The following DHRS4 variants were observed in gnomAD, a reference collection of about 807,000 sequenced individuals.
DHRS4 encodes the protein dehydrogenase/reductase SDR family member 4.
Under a neutral mutation model 28.4 loss-of-function variants are expected in DHRS4, and 20 were observed. The observed-to-expected ratio is 0.71, with a 90% CI of 0.50 to 1.02. The LOEUF (loss-of-function observed/expected upper bound fraction) is 1.02. Among genes scored for constraint, DHRS4 ranks in the 50% least tolerant of loss-of-function variants. The probability of loss-of-function intolerance (pLI) is 0.00; values close to 1 mark genes in which losing one functional copy is unlikely to be tolerated. For missense variants in DHRS4, 378 were observed against 367.2 expected, an observed-to-expected ratio of 1.03 and a Z score of -0.24; for synonymous variants, 144 against 146.4, an observed-to-expected ratio of 0.98 and a Z score of 0.12.
chr14:23,954,586 GA>G (rs1030662178), intron 1 of DHRS4, among the ~76,000 whole-genome samples: 1 of 152,194 alleles, frequency 6.6e-6, no homozygotes, highest in Non-Finnish European at 1.5e-5. Context: ...TTACATTTTT[GA>G]CCGGAGACCA....
intron 5 of DHRS4, 103 bp downstream of exon 5, chr14:23,966,086 C>T (rs1306383711): frequency 6.2e-7 from 1 of 1,602,662 alleles, no homozygotes; most frequent in Non-Finnish European, 8.5e-7. Context: ...AGAATCACAC[C>T]ACCAAGTCCC....
At chr14:23,965,480 G>A (rs1430916473) in intron 3 of DHRS4, among the ~76,000 whole-genome samples, 1 of 132,942 alleles carries the variant, frequency 7.5e-6, no homozygotes, top group Non-Finnish European at 1.6e-5. Context: ...AAATCCAAAG[G>A]CCCCTTCTGG....
In DHRS4 at chr14:23,959,801, G is replaced by A. The variant is rs1566472038; in HGVS notation, c.307-101G>A. The A allele has an allele frequency of 3.6e-6, 5 of 1,400,602 alleles. No homozygotes were observed. The South Asian group carries it at 4.8e-5, about 14-fold the overall frequency. The allele number at this position is 1,400,602 out of a possible 1,614,324, so 86.8% of individuals were successfully genotyped here. A position where few individuals can be genotyped will look rare whatever the true frequency, so the allele number is the denominator to read the frequency against. ...CCCAAAGTGCCATGATTACAGGCATGAGCCACAGCTCCTTGCCCAGAAGGA... is the reference window on the plus strand; with the variant it reads ...CCCAAAGTGCCATGATTACAGGCATAAGCCACAGCTCCTTGCCCAGAAGGA... On this transcript the variant is annotated intron_variant, in intron 2 of 7. Transcript: ENST00000313250.
At chr14:23,960,109 G>A (rs1594423821) in intron 3 of DHRS4, 106 bp downstream of exon 3, 3 of 1,110,546 alleles carry the variant, frequency 2.7e-6, no homozygotes. Flanking sequence ...GTGTAAATGT[G>A]AGGACTCTTT....
chr14:23,966,083 C>T, intron 5 of DHRS4, 100 bp downstream of exon 5: 1 of 1,604,096 alleles, frequency 6.2e-7, no homozygotes, highest in Non-Finnish European at 8.5e-7. Flanking sequence ...TGTAGAATCA[C>T]ACCACCAAGT....
In DHRS4 at chr14:23,958,033, C is replaced by T. The variant is rs1409231769; in HGVS notation, c.307-1869C>T. Among the ~76,000 whole-genome samples, 30 of 151,498 alleles carry T rather than the reference C, an allele frequency of 2.0e-4. 1 individual carries two copies. The East Asian group carries it at 3.0e-3, about 15-fold the overall frequency. ...CCAAACACATGTGTACTGAGCACGG[C>T]GCACATCACTTATTAACTTACTCTG... On this transcript the variant is annotated intron_variant, in intron 2 of 7. Transcript: ENST00000313250.
chr14:23,954,469 A>C (rs1470513600), intron 1 of DHRS4, among the ~76,000 whole-genome samples: 2 of 152,210 alleles, frequency 1.3e-5, no homozygotes, highest in Admixed American at 1.3e-4. Flanking sequence ...TCATTTCTAC[A>C]GGACTTTGCT....
At chr14:23,959,457 C>T (rs1422040053) in intron 2 of DHRS4, among the ~76,000 whole-genome samples, 1 of 152,032 alleles carries the variant, frequency 6.6e-6, no homozygotes, top group Non-Finnish European at 1.5e-5. Flanking sequence ...ACTTGGGGGG[C>T]TGAGCCAAGA....
intron 3 of DHRS4, among the ~76,000 whole-genome samples, chr14:23,963,287 A>G (rs1474865266): frequency 1.7e-5 from 2 of 120,164 alleles, no homozygotes; most frequent in Admixed American, 8.1e-5. Flanking sequence ...CTCTCTAGCT[A>G]TTAAAGCCCT....
chr14:23,968,402 C>T (rs2138486416), intron 7 of DHRS4, among the ~76,000 whole-genome samples: 1 of 150,678 alleles, frequency 6.6e-6, no homozygotes, highest in South Asian at 2.1e-4. Context: ...ACACAGACTC[C>T]CTGATACTTT....
intron 3 of DHRS4, among the ~76,000 whole-genome samples, chr14:23,963,365 C>T (rs1192663361): frequency 8.1e-6 from 1 of 123,104 alleles, no homozygotes; most frequent in African/African-American, 3.8e-5. Flanking sequence ...GCTGTAGCCA[C>T]CTTCATCAAT....
chr14:23,959,183 A>G (rs1323729205), intron 2 of DHRS4, among the ~76,000 whole-genome samples: 1 of 152,184 alleles, frequency 6.6e-6, no homozygotes, highest in Non-Finnish European at 1.5e-5. Context: ...AATCATGAGA[A>G]TGAAGGAGCT....
In DHRS4 at chr14:23,968,814, C is replaced by T. The variant is rs1566480299; in HGVS notation, c.780C>T (p.Ala260=). The T allele has an allele frequency of 3.7e-6, 6 of 1,610,796 alleles. No individual in the cohort carries two copies. In the South Asian group the frequency reaches 4.4e-5, roughly 12 times the overall value. The stretch of plus-strand genomic sequence containing the variant: ...TGTCTTTCCTGTGCTCTGAAGATGC[C>T]AGCTACATCACTGGGGAAACAGTGG... ...GIVSFLCSED[A]SYITGETVVV... is the part of the protein sequence containing the mutation. The change falls in exon 8 of 8, where the codon GCC becomes GCT. Residue 260 remains alanine (A), a synonymous_variant. Transcript: ENST00000313250.
chr14:23,959,765 C>A, intron 2 of DHRS4, 137 bp from the exon 3 acceptor site: 9 of 994,204 alleles, frequency 9.1e-6, no homozygotes, highest in Non-Finnish European at 1.4e-5. Context: ...GTGAGCCTCC[C>A]ACCTTGGCCT....
chr14:23,954,648 A>G (rs575266309), intron 1 of DHRS4, among the ~76,000 whole-genome samples: 343 of 152,352 alleles, frequency 2.3e-3, no homozygotes, highest in Non-Finnish European at 3.8e-3. Flanking sequence ...TTTGAGAATG[A>G]TGTAGACGAG....
intron 3 of DHRS4, 149 bp downstream of exon 3, chr14:23,960,152 A>T: frequency 1.2e-6 from 1 of 836,294 alleles, no homozygotes; most frequent in African/African-American, 1.7e-5. Context: ...CACACCTTGC[A>T]AAGGGCGGGT....
chr14:23,960,091 C>T, intron 3 of DHRS4, 88 bp downstream of exon 3: 1 of 1,271,330 alleles, frequency 7.9e-7, no homozygotes, highest in South Asian at 1.2e-5. Flanking sequence ...ATGCATTTCT[C>T]AAGGGCAGTG....
At chr14:23,964,765 C>T (rs1158037720) in intron 3 of DHRS4, among the ~76,000 whole-genome samples, 12 of 143,204 alleles carry the variant, frequency 8.4e-5, no homozygotes, top group African/African-American at 2.6e-4. Flanking sequence ...TTAGTACAGA[C>T]GAGGTTTGCC....
chr14:23,966,871 G>C (rs1175037828), intron 6 of DHRS4, among the ~76,000 whole-genome samples: 1 of 152,282 alleles, frequency 6.6e-6, no homozygotes, highest in Non-Finnish European at 1.5e-5. Context: ...AACATAAAGA[G>C]ATTTCTGGGT....
Sources: gnomAD v4.1 joint callset for allele counts (sites outside exome capture counted in the v4.1 genomes callset) on GRCh38, gnomAD v4.1.1 for gene constraint, MANE v1.5 for transcripts, NCBI Gene and HGNC (gene_info 2026-07-23, HGNC 2026-07-21) for gene names.